The following PID1 variants were observed in gnomAD, a reference collection of about 807,000 sequenced individuals.
PID1 encodes PTB-containing, cubilin and LRP1-interacting protein.
In PID1, 10 loss-of-function variants were observed where a neutral mutation model predicts 19.1. That is an observed-to-expected ratio of 0.52 (90% CI 0.32 to 0.89). PID1 has a LOEUF of 0.89. PID1 is among the 40% of genes least tolerant of loss of function. The pLI is 0.03. For synonymous variants in PID1, 130 were observed against 116.0 expected, an observed-to-expected ratio of 1.12 and a Z score of -0.78; for missense variants, 248 against 285.3, an observed-to-expected ratio of 0.87 and a Z score of 0.94.
At chr2:229,069,204 G>GTTTC (rs1694400985) in intron 2 of PID1, among the ~76,000 whole-genome samples, 2 of 148,084 alleles carry the variant, frequency 1.4e-5, no homozygotes, top group African/African-American at 5.0e-5. Flanking sequence ...GTAGGGTCAG[G>GTTTC]TAGAAAAATT....
intron 1 of PID1, among the ~76,000 whole-genome samples, chr2:229,238,903 G>A (rs1574749678): frequency 6.6e-6 from 1 of 152,028 alleles, no homozygotes; most frequent in Non-Finnish European, 1.5e-5. Context: ...CACAGCAATA[G>A]CATTAGTAAT....
intron 1 of PID1, among the ~76,000 whole-genome samples, chr2:229,265,142 A>AT (rs904093527): frequency 1.5e-4 from 23 of 149,934 alleles, no homozygotes; most frequent in South Asian, 2.1e-4. Context: ...TTTTTTCGTT[A>AT]TTTTTTTTTT....
chr2:229,223,812 C>T (rs1692021602), intron 1 of PID1, among the ~76,000 whole-genome samples: 1 of 152,120 alleles, frequency 6.6e-6, no homozygotes, highest in Non-Finnish European at 1.5e-5. Context: ...CAGGGGATAC[C>T]TATTCAGGTT....
chr2:229,154,966 C>T (rs921617562), intron 2 of PID1, among the ~76,000 whole-genome samples: 8 of 152,150 alleles, frequency 5.3e-5, no homozygotes, highest in Non-Finnish European at 1.5e-5. Context: ...TTTGTTTCCA[C>T]GTTGGCATTA....
intron 1 of PID1, among the ~76,000 whole-genome samples, chr2:229,223,905 G>A (rs75309234): frequency 0.15 from 22,573 of 152,118 alleles, 2,103 homozygotes; most frequent in Admixed American, 0.24. Context: ...GTACCCAATC[G>A]GTACTTTTTC....
chr2:229,155,055 C>A (rs1690337281), intron 2 of PID1, among the ~76,000 whole-genome samples: 6 of 152,106 alleles, frequency 3.9e-5, no homozygotes, highest in Admixed American at 3.9e-4. Context: ...TGAAGCAAAG[C>A]AAAAACTGCA....
chr2:229,133,669 T>G (rs977870071), intron 2 of PID1, among the ~76,000 whole-genome samples: 2 of 152,250 alleles, frequency 1.3e-5, no homozygotes, highest in African/African-American at 4.8e-5. Context: ...TGATTTGACC[T>G]CTTCCATTGA....
At chr2:229,161,114 C>A (rs1216216220) in intron 1 of PID1, among the ~76,000 whole-genome samples, 1 of 152,088 alleles carries the variant, frequency 6.6e-6, no homozygotes, top group Non-Finnish European at 1.5e-5. Context: ...GTCTCATGTC[C>A]CTGCCCAAAA....
chr2:229,055,081 A>G (rs968542957), intron 2 of PID1, among the ~76,000 whole-genome samples: 2 of 152,156 alleles, frequency 1.3e-5, no homozygotes, highest in African/African-American at 4.8e-5. Flanking sequence ...GTGACTGACT[A>G]GGTACTCTGA....
intron 1 of PID1, among the ~76,000 whole-genome samples, chr2:229,257,983 G>A (rs1574764079): frequency 6.6e-6 from 1 of 152,168 alleles, no homozygotes; most frequent in African/African-American, 2.4e-5. Flanking sequence ...GTCACGGGAG[G>A]AAAAATAACA....
intron 1 of PID1, among the ~76,000 whole-genome samples, chr2:229,230,994 A>G (rs554380423): frequency 3.3e-5 from 5 of 152,004 alleles, no homozygotes; most frequent in Non-Finnish European, 7.4e-5. Flanking sequence ...AAATCAGTCA[A>G]CTCCTCTTAC....
chr2:229,040,670 A>C (rs1440187038), intron 2 of PID1, among the ~76,000 whole-genome samples: 1 of 152,186 alleles, frequency 6.6e-6, no homozygotes, highest in Non-Finnish European at 1.5e-5. Flanking sequence ...GCAAATGAAA[A>C]ACATAACTGC....
intron 1 of PID1, among the ~76,000 whole-genome samples, chr2:229,233,536 G>T (rs972287207): frequency 6.6e-6 from 1 of 150,970 alleles, no homozygotes; most frequent in African/African-American, 2.4e-5. Context: ...CTATCACCCA[G>T]GCTGGAGTGC....
At position 229,053,230 on chromosome 2, in the gene PID1, A is replaced by G. The variant is rs549683162; in HGVS notation, c.178-27122T>C. Among the ~76,000 whole-genome samples, 14 of 152,206 alleles carry G rather than the reference A, an allele frequency of 9.2e-5. 1 individual carries two copies. In the South Asian group the frequency reaches 2.7e-3, roughly 29 times the overall value. ...TTTTTTTCTTGACTGGACATTTCTC[A>G]TACAACTGGGTTTCTTGAGTTTCTC... is the stretch of plus-strand genomic sequence containing the variant. On this transcript the variant is annotated intron_variant, in intron 2 of 2. Coordinates refer to ENST00000392055, the MANE Select transcript of PID1 (RefSeq NM_001100818.2).
At chr2:229,100,956 A>C (rs1222359433) in intron 2 of PID1, among the ~76,000 whole-genome samples, 2 of 152,238 alleles carry the variant, frequency 1.3e-5, no homozygotes, top group Non-Finnish European at 2.9e-5. Flanking sequence ...CACACTTCTC[A>C]GCAAATAAAA....
rs1413879682 is a variant in PID1, at chr2:229,024,270, C to A, written c.*1362G>T. The A allele has an allele frequency of 6.6e-6, 1 of 152,516 alleles. No homozygotes were observed. The highest frequency in any genetic ancestry group is 2.4e-5 in the African/African-American group (1 of 41,434). The allele number at this position is 152,516 out of a possible 1,614,324, so 9.4% of individuals were successfully genotyped here. The stretch of plus-strand genomic sequence containing the variant: ...TTAAGGCTTCTTAGGTGCCGCAGTG[C>A]CCCTAATATTACCAGGATTGAAAAC... On this transcript the variant is annotated 3_prime_UTR_variant, in exon 3 of 3. Transcript: ENST00000392055.
chr2:229,205,492 G>T (rs1691591319), intron 1 of PID1, among the ~76,000 whole-genome samples: 1 of 152,072 alleles, frequency 6.6e-6, no homozygotes, highest in Non-Finnish European at 1.5e-5. Flanking sequence ...TCTGGTGGGT[G>T]GAGGTCGTGG....
chr2:229,257,766 T>C (rs1017560366), intron 1 of PID1, among the ~76,000 whole-genome samples: 2 of 152,250 alleles, frequency 1.3e-5, no homozygotes, highest in Admixed American at 6.5e-5. Context: ...ATTTTGTGAA[T>C]GTTTCTCATT....
chr2:229,114,961 C>T (rs767806311), intron 2 of PID1, among the ~76,000 whole-genome samples: 8 of 151,896 alleles, frequency 5.3e-5, no homozygotes, highest in Non-Finnish European at 1.2e-4. Context: ...TTCTCCAGAT[C>T]GTTTTTCACA....
Sources: gnomAD v4.1 joint callset for allele counts (sites outside exome capture counted in the v4.1 genomes callset) on GRCh38, gnomAD v4.1.1 for gene constraint, MANE v1.5 for transcripts, NCBI Gene and HGNC (gene_info 2026-07-23, HGNC 2026-07-21) for gene names.